PLPP1: variants seen among roughly 807,000 people sequenced by gnomAD.
PLPP1 encodes lipid phosphate phosphohydrolase 1a.
In PLPP1, 24 loss-of-function variants were observed where a neutral mutation model predicts 31.2. The observed-to-expected ratio is 0.77, with a 90% confidence interval of 0.56 to 1.08. The LOEUF is 1.08. Ranked by LOEUF, PLPP1 falls within the 50% of genes least tolerant of loss-of-function variation. PLPP1 has a pLI of 0.00. For synonymous variants in PLPP1, 146 were observed against 126.3 expected, an observed-to-expected ratio of 1.16 and a Z score of -1.05; for missense variants, 319 against 342.7, an observed-to-expected ratio of 0.93 and a Z score of 0.55.
At chr5:55,473,307 T>C (rs1408480134) in intron 2 of PLPP1, among the ~76,000 whole-genome samples, 2 of 152,212 alleles carry the variant, frequency 1.3e-5, no homozygotes, top group African/African-American at 2.4e-5. Flanking sequence ...AATTACTCTA[T>C]AGTTTCCTTC....
At chr5:55,484,597 C>T (rs1752737887) in intron 1 of PLPP1, 1 of 152,126 alleles carries the variant, frequency 6.6e-6, no homozygotes, top group African/African-American at 2.4e-5. Flanking sequence ...AATACAGAGA[C>T]TGGGGTCTAT....
At chr5:55,482,089 T>C (rs1164090759) in intron 1 of PLPP1, among the ~76,000 whole-genome samples, 5 of 147,808 alleles carry the variant, frequency 3.4e-5, no homozygotes, top group African/African-American at 1.2e-4. Flanking sequence ...TATATATTTA[T>C]ATTTAAATAT....
In PLPP1 at chr5:55,443,214, C is replaced by CATAT. The variant is rs1452745043; in HGVS notation, c.492-1307_492-1306insATAT. Among the ~76,000 whole-genome samples, 8 of 68,836 alleles carry CATAT rather than the reference C, an allele frequency of 1.2e-4. No homozygotes were observed. In the East Asian group the frequency reaches 3.1e-3, roughly 26 times the overall value. 45.2% of individuals were successfully genotyped at this position (68,836 alleles called of 152,430 possible). ...AAAAATATATATATATATATATATA[C>CATAT]ACACACACACACACACACACATATA... is the stretch of plus-strand genomic sequence containing the variant. On this transcript the variant is annotated intron_variant, in intron 3 of 5. Coordinates refer to ENST00000307259, the MANE Select transcript of PLPP1 (RefSeq NM_003711.4).
At chr5:55,523,249 T>C (rs116071397) in intron 1 of PLPP1, among the ~76,000 whole-genome samples, 1 of 152,210 alleles carries the variant, frequency 6.6e-6, no homozygotes, top group African/African-American at 2.4e-5. Context: ...AATTATACTG[T>C]TTTCGTTATT....
chr5:55,509,981 G>A (rs1283973765), intron 1 of PLPP1, among the ~76,000 whole-genome samples: 1 of 152,164 alleles, frequency 6.6e-6, no homozygotes, highest in African/African-American at 2.4e-5. Flanking sequence ...TCAAAAGCAA[G>A]GAGATAACTG....
intron 1 of PLPP1, among the ~76,000 whole-genome samples, chr5:55,477,324 A>AATAACC (rs1435302703): frequency 6.6e-6 from 1 of 152,138 alleles, no homozygotes; most frequent in Non-Finnish European, 1.5e-5. Flanking sequence ...CCCCCTAATC[A>AATAACC]ATAACCATAC....
At chr5:55,487,559 G>A (rs1041887184) in intron 1 of PLPP1, among the ~76,000 whole-genome samples, 3 of 151,866 alleles carry the variant, frequency 2.0e-5, no homozygotes, top group Non-Finnish European at 4.4e-5. Context: ...TATGAACCTC[G>A]CATTGTAAAA....
chr5:55,477,801 T>C (rs926629830), intron 1 of PLPP1, among the ~76,000 whole-genome samples: 3 of 152,138 alleles, frequency 2.0e-5, no homozygotes, highest in Non-Finnish European at 4.4e-5. Context: ...TTTCTTTCTT[T>C]TGGAATAGTA....
chr5:55,471,705 T>C (rs1369631245), intron 2 of PLPP1, among the ~76,000 whole-genome samples: 4 of 152,174 alleles, frequency 2.6e-5, no homozygotes, highest in African/African-American at 9.7e-5. Flanking sequence ...GCAGTCTTAA[T>C]CACAGGGATT....
intron 1 of PLPP1, among the ~76,000 whole-genome samples, chr5:55,502,733 A>G (rs1275297392): frequency 6.6e-6 from 1 of 152,188 alleles, no homozygotes; most frequent in Non-Finnish European, 1.5e-5. Flanking sequence ...AAACATATTA[A>G]CACAAGGCAC....
At chr5:55,523,284 T>C (rs1753712722) in intron 1 of PLPP1, among the ~76,000 whole-genome samples, 1 of 152,198 alleles carries the variant, frequency 6.6e-6, no homozygotes, top group Non-Finnish European at 1.5e-5. Context: ...TAAATTATTA[T>C]TGACTATAAT....
intron 1 of PLPP1, among the ~76,000 whole-genome samples, chr5:55,488,551 CAGG>C (rs1326553257): frequency 1.3e-5 from 2 of 152,002 alleles, no homozygotes; most frequent in Non-Finnish European, 2.9e-5. Context: ...GAGGTCAAGG[CAGG>C]AGAATTGCTT....
At chr5:55,457,063 G>A (rs1752030198) in intron 3 of PLPP1, among the ~76,000 whole-genome samples, 1 of 151,902 alleles carries the variant, frequency 6.6e-6, no homozygotes, top group Non-Finnish European at 1.5e-5. Flanking sequence ...TGCAGGCTGA[G>A]GCAGGAGAAC....
At chr5:55,524,064 A>G (rs1326816907) in intron 1 of PLPP1, among the ~76,000 whole-genome samples, 1 of 152,240 alleles carries the variant, frequency 6.6e-6, no homozygotes, top group East Asian at 1.9e-4. Flanking sequence ...ATAAATAAAA[A>G]ATGATGCAAT....
At chr5:55,519,479 T>G (rs1305508159) in intron 1 of PLPP1, among the ~76,000 whole-genome samples, 1 of 152,204 alleles carries the variant, frequency 6.6e-6, no homozygotes, top group African/African-American at 2.4e-5. Flanking sequence ...CCAGGCATGG[T>G]GGCTCACACC....
rs571990245 is a variant in PLPP1, at chr5:55,431,222, T to C, written c.550-5183A>G. 5.3e-5 allele frequency among the ~76,000 whole-genome samples: 8 copies of C among 152,196 alleles called. No homozygotes were observed. In the South Asian group the frequency reaches 1.7e-3, roughly 32 times the overall value. ...CACAGGAAGCTTAGAAAACCCCAAATAGATGCAATTCAAAAATCCATGGCA... is the reference window on the plus strand; with the variant it reads ...CACAGGAAGCTTAGAAAACCCCAAACAGATGCAATTCAAAAATCCATGGCA... On this transcript the variant is annotated intron_variant, in intron 4 of 5. Coordinates refer to ENST00000307259, the MANE Select transcript of PLPP1 (RefSeq NM_003711.4).
At chr5:55,534,335 C>G (rs185362023) in intron 1 of PLPP1, among the ~76,000 whole-genome samples, 87 of 152,302 alleles carry the variant, frequency 5.7e-4, no homozygotes, top group South Asian at 3.5e-3. Flanking sequence ...GAGGCGTGAA[C>G]AGCGTCCAAG....
intron 2 of PLPP1, among the ~76,000 whole-genome samples, chr5:55,472,920 A>C (rs1752453793): frequency 6.6e-6 from 1 of 152,220 alleles, no homozygotes; most frequent in Non-Finnish European, 1.5e-5. Context: ...GTCCTGCTCT[A>C]CTGCAGCCCT....
Position 55,468,018 on chromosome 5 carries a change from G to A in PLPP1, c.342C>T (p.Ser114=). 1 of 1,614,098 alleles carries A rather than the reference G, an allele frequency of 6.2e-7. No homozygotes were observed. Among genetic ancestry groups the A allele is most frequent in the Non-Finnish European group, 8.5e-7 (1 of 1,179,992 alleles). ...TFLFGAAASQ[S]LTDIAKYSIG... ...TTGAATACTTGGCAATGTCAGTCAG[G>A]GACTGACTAGCAGCTGCACCAAATA... The change falls in exon 3 of 6, where the codon TCC becomes TCT. Residue 114 remains serine, a synonymous_variant. Transcript: ENST00000307259.
Sources: gnomAD v4.1 joint callset for allele counts (sites outside exome capture counted in the v4.1 genomes callset) on GRCh38, gnomAD v4.1.1 for gene constraint, MANE v1.5 for transcripts, NCBI Gene and HGNC (gene_info 2026-07-23, HGNC 2026-07-21) for gene names.